KCNQ5: variants seen among roughly 807,000 people sequenced by gnomAD.
KCNQ5 encodes potassium voltage-gated channel subfamily KQT member 5.
In KCNQ5, 30 loss-of-function variants were observed where a neutral mutation model predicts 98.2. The observed-to-expected ratio is 0.31, with a 90% CI of 0.23 to 0.41. The LOEUF (loss-of-function observed/expected upper bound fraction) is 0.41, where lower values mean the gene tolerates loss of function less well. Ranked by LOEUF, KCNQ5 falls within the 10% of genes least tolerant of loss-of-function variation. The probability of loss-of-function intolerance (pLI) is 1.00; values close to 1 mark genes in which losing one functional copy is unlikely to be tolerated. For missense variants in KCNQ5, 835 were observed against 1,182.5 expected (o/e 0.71, Z 4.31); for synonymous variants, 458 against 449.4 (o/e 1.02, Z -0.24).
At chr6:73,018,033 T>C (rs1770429549) in intron 2 of KCNQ5, among the ~76,000 whole-genome samples, 1 of 152,082 alleles carries the variant, frequency 6.6e-6, no homozygotes. Context: ...CAAGTATGAA[T>C]AACATCAAAT....
intron 1 of KCNQ5, among the ~76,000 whole-genome samples, chr6:72,713,742 A>G (rs1328289488): frequency 1.3e-5 from 2 of 152,206 alleles, no homozygotes; most frequent in Non-Finnish European, 2.9e-5. Context: ...AGAGAGGGGC[A>G]TGGAGACTAG....
At chr6:72,623,286 G>T (rs879586196) in intron 1 of KCNQ5, among the ~76,000 whole-genome samples, 1 of 152,186 alleles carries the variant, frequency 6.6e-6, no homozygotes, top group Non-Finnish European at 1.5e-5. Flanking sequence ...GGGAACCTGG[G>T]GCGCAGGAAC....
intron 1 of KCNQ5, among the ~76,000 whole-genome samples, chr6:72,968,323 G>A (rs943932396): frequency 2.6e-5 from 4 of 152,092 alleles, no homozygotes; most frequent in African/African-American, 9.7e-5. Context: ...TTAGAGAACC[G>A]TGTGAGACAT....
At chr6:72,891,680 G>C (rs1243954387) in intron 1 of KCNQ5, among the ~76,000 whole-genome samples, 1 of 152,058 alleles carries the variant, frequency 6.6e-6, no homozygotes, top group South Asian at 2.1e-4. Flanking sequence ...TGCCACCTAA[G>C]GTGCAACTCT....
chr6:72,856,224 G>GT (rs1777525584), intron 1 of KCNQ5, among the ~76,000 whole-genome samples: 1 of 152,030 alleles, frequency 6.6e-6, no homozygotes, highest in African/African-American at 2.4e-5. Flanking sequence ...TACCTGGCAT[G>GT]TATTTCTTTG....
At chr6:73,065,335 T>C (rs1157907086) in intron 3 of KCNQ5, among the ~76,000 whole-genome samples, 1 of 152,208 alleles carries the variant, frequency 6.6e-6, no homozygotes, top group African/African-American at 2.4e-5. Context: ...TCAGCAAGTC[T>C]TGGCCTCTCC....
At chr6:72,705,873 G>A (rs534978640) in intron 1 of KCNQ5, among the ~76,000 whole-genome samples, 21 of 152,044 alleles carry the variant, frequency 1.4e-4, no homozygotes, top group African/African-American at 4.8e-4. Context: ...TGTAGTATAA[G>A]ATAGAAAAAT....
chr6:72,719,605 T>G (rs996501339), intron 1 of KCNQ5, among the ~76,000 whole-genome samples: 7 of 152,230 alleles, frequency 4.6e-5, no homozygotes, highest in African/African-American at 1.7e-4. Flanking sequence ...GTCCTAATTT[T>G]GGGGCCTCTT....
chr6:72,788,713 A>AT (rs1402354473), intron 1 of KCNQ5, among the ~76,000 whole-genome samples: 2 of 152,170 alleles, frequency 1.3e-5, no homozygotes, highest in African/African-American at 4.8e-5. Flanking sequence ...TAATAATGGA[A>AT]TTTTTACAAT....
intron 3 of KCNQ5, among the ~76,000 whole-genome samples, chr6:73,053,848 T>G (rs930176360): frequency 6.6e-6 from 1 of 151,752 alleles, no homozygotes; most frequent in African/African-American, 2.4e-5. Flanking sequence ...AATCAAAATC[T>G]GCACTAAACT....
chr6:72,848,026 A>C (rs1444537361), intron 1 of KCNQ5, among the ~76,000 whole-genome samples: 1 of 151,830 alleles, frequency 6.6e-6, no homozygotes, highest in Non-Finnish European at 1.5e-5. Context: ...TAAAAAAAAA[A>C]ACTCCCAATG....
rs1562232106 is a variant in KCNQ5, at chr6:73,197,628, CACACACA to C, written c.*2215_*2221del. The C allele has an allele frequency of 1.8e-4, 21 of 116,294 alleles. No homozygotes were observed. Among genetic ancestry groups the C allele is most frequent in the African/African-American group, 4.5e-4 (15 of 33,572 alleles). 7.2% of individuals were successfully genotyped at this position (116,294 alleles called of 1,614,324 possible). On this transcript the variant is annotated 3_prime_UTR_variant, in exon 14 of 14. Transcript: ENST00000370398. Reference sequence around the variant, plus strand: ...ACACACACACACACACACACACACACACACACACACACACCCCTCCACTGACCTAAAG... The same window carrying C: ...ACACACACACACACACACACACACACCACACACCCCTCCACTGACCTAAAG...
At chr6:72,825,272 C>A (rs973293330) in intron 1 of KCNQ5, among the ~76,000 whole-genome samples, 10 of 152,160 alleles carry the variant, frequency 6.6e-5, no homozygotes, top group African/African-American at 2.2e-4. Context: ...TGTTCCCCTT[C>A]CCTGATTTCT....
chr6:72,711,413 C>T (rs1193283479), intron 1 of KCNQ5, among the ~76,000 whole-genome samples: 1 of 152,150 alleles, frequency 6.6e-6, no homozygotes, highest in Non-Finnish European at 1.5e-5. Context: ...GAGTTAACCC[C>T]TTGAAAAGAA....
At chr6:72,953,176 T>A (rs947228949) in intron 1 of KCNQ5, among the ~76,000 whole-genome samples, 2 of 152,158 alleles carry the variant, frequency 1.3e-5, no homozygotes, top group Non-Finnish European at 2.9e-5. Flanking sequence ...TACAACCCCA[T>A]GATGAAGGCC....
chr6:73,190,111 G>A (rs1765533933), intron 11 of KCNQ5, among the ~76,000 whole-genome samples: 1 of 151,622 alleles, frequency 6.6e-6, no homozygotes, highest in African/African-American at 2.4e-5. Flanking sequence ...CCATATTAAT[G>A]TACATTTCTC....
intron 9 of KCNQ5, among the ~76,000 whole-genome samples, chr6:73,127,655 A>G (rs1776045192): frequency 6.6e-6 from 1 of 152,246 alleles, no homozygotes. Context: ...CTTGTTAAAA[A>G]GGGATTTTGT....
chr6:73,089,997 A>G (rs892297849), intron 5 of KCNQ5, among the ~76,000 whole-genome samples: 9 of 152,200 alleles, frequency 5.9e-5, no homozygotes, highest in Non-Finnish European at 1.0e-4. Context: ...ACTATTTTCT[A>G]TAGTGGTTGT....
At chr6:72,905,176 T>C (rs955505807) in intron 1 of KCNQ5, among the ~76,000 whole-genome samples, 2 of 152,194 alleles carry the variant, frequency 1.3e-5, no homozygotes, top group African/African-American at 4.8e-5. Context: ...GCTGAGACTT[T>C]CCAGGGCATT....
Sources: gnomAD v4.1 joint callset for allele counts (sites outside exome capture counted in the v4.1 genomes callset) on GRCh38, gnomAD v4.1.1 for gene constraint, MANE v1.5 for transcripts, NCBI Gene and HGNC (gene_info 2026-07-23, HGNC 2026-07-21) for gene names.